DIS3: variants seen among roughly 807,000 people sequenced by gnomAD.
The protein encoded by DIS3 is exosome complex exonuclease RRP44.
DIS3 carries 103 observed loss-of-function variants against 113.0 expected under a neutral mutation model. The ratio of observed to expected loss-of-function variants is 0.91; its 90% confidence interval spans 0.78 to 1.07. The LOEUF (loss-of-function observed/expected upper bound fraction) is 1.07, where lower values mean the gene tolerates loss of function less well. DIS3 is among the 50% of genes least tolerant of loss of function. The pLI is 0.00. For synonymous variants in DIS3, 402 were observed against 394.3 expected, an observed-to-expected ratio of 1.02 and a Z score of -0.23; for missense variants, 1,121 against 1,167.1, an observed-to-expected ratio of 0.96 and a Z score of 0.58.
chr13:72,775,467 T>G, intron 5 of DIS3, 92 bp from the exon 6 acceptor site: 3 of 1,325,366 alleles, frequency 2.3e-6, no homozygotes, highest in Non-Finnish European at 3.0e-6. Flanking sequence ...ACATACACTC[T>G]GAATATCTCT....
chr13:72,773,534 G>A, intron 8 of DIS3, 150 bp downstream of exon 8: 1 of 762,594 alleles, frequency 1.3e-6, no homozygotes, highest in Non-Finnish European at 2.0e-6. Flanking sequence ...TTTCAAAGTA[G>A]ACATGCTACT....
At position 72,778,221 on chromosome 13, in the gene DIS3, C is replaced by T. The variant is rs775103513; in HGVS notation, c.546G>A (p.Glu182=). ...IFITNDRRNK[E]KAIEEGIPAF... ...CTGGTATTCCTTCTTCTATGGCTTT[C>T]TCTTTGTTTCTCCTGTCATTTGTTA... The change falls in exon 3 of 21, where the codon GAG becomes GAA. Residue 182 remains glutamate (E), a synonymous_variant. Transcript: ENST00000377767. The T allele has an allele frequency of 1.9e-6, 3 of 1,599,394 alleles. No individual in the cohort carries two copies. Among genetic ancestry groups the T allele is most frequent in the South Asian group, 1.1e-5 (1 of 90,056 alleles).
At chr13:72,770,198 T>C (rs1023727194) in intron 13 of DIS3, among the ~76,000 whole-genome samples, 1 of 148,880 alleles carries the variant, frequency 6.7e-6, no homozygotes, top group African/African-American at 2.4e-5. Flanking sequence ...TTCAAGTATA[T>C]ATTCTTTGTA....
intron 13 of DIS3, among the ~76,000 whole-genome samples, chr13:72,769,433 C>G (rs529716634): frequency 6.6e-6 from 1 of 150,986 alleles, no homozygotes; most frequent in Non-Finnish European, 1.5e-5. Flanking sequence ...TGAAAAATAA[C>G]CAAAATATAC....
rs1019026955 is a variant in DIS3 at position 72,755,313 on chromosome 13, C to G, written c.*4482G>C. ...GATGGTGACTGGGAAAAAATTACTT[C>G]AAGTAACATGCTTAGCTTTCCCTCC... On this transcript the variant is annotated 3_prime_UTR_variant, in exon 21 of 21. Transcript: ENST00000377767. 1.0e-5 allele frequency: 10 copies of G among 1,004,894 alleles called. No individual in the cohort carries two copies. In the African/African-American group the frequency reaches 1.3e-4, roughly 13 times the overall value. 62.2% of individuals were successfully genotyped at this position (1,004,894 alleles called of 1,614,324 possible). A position where few individuals can be genotyped will look rare whatever the true frequency, so the allele number is the denominator to read the frequency against.
rs201254426 is a variant in DIS3, at chr13:72,755,211, C to A, written c.*4584G>T. Reference sequence around the variant, plus strand: ...AGCAAGCCCTTTTCAATGCAGCAGTCCATAGAATGCCTCTGTCAGAATCAA... The same window carrying A: ...AGCAAGCCCTTTTCAATGCAGCAGTACATAGAATGCCTCTGTCAGAATCAA... On this transcript the variant is annotated 3_prime_UTR_variant, in exon 21 of 21. Coordinates refer to ENST00000377767, the MANE Select transcript of DIS3 (RefSeq NM_014953.5). 1.8e-4 allele frequency: 284 copies of A among 1,610,484 alleles called. No homozygotes were observed. The highest frequency in any genetic ancestry group is 2.3e-4 in the Non-Finnish European group (267 of 1,177,134).
In DIS3 at chr13:72,773,680, TTA is replaced by T; in HGVS notation, c.1239+2_1239+3del. On this transcript the variant is annotated splice_donor_variant and splice_donor_region_variant and intron_variant, in intron 8 of 20. Transcript: ENST00000377767. LOFTEE classifies it high-confidence loss of function. ...CCCACATAAAATTAATACTTTAAGC[TTA>T]CATTTGGATATCTGGAATTTCTGGG... is the stretch of plus-strand genomic sequence containing the variant. 6.2e-7 allele frequency: 1 copy of T among 1,605,778 alleles called. No individual in the cohort carries two copies.
At position 72,781,399 on chromosome 13, in the gene DIS3, TG is replaced by T. The variant is rs17089752; in HGVS notation, c.228+205del. ...CCAGGAGTTAGAAAAATAACGTGTCTGAACTACGACTCCAAGAACTAAATTT... is the reference window on the plus strand; with the variant it reads ...CCAGGAGTTAGAAAAATAACGTGTCTAACTACGACTCCAAGAACTAAATTT... On this transcript the variant is annotated intron_variant, in intron 1 of 20. Coordinates refer to ENST00000377767, the MANE Select transcript of DIS3 (RefSeq NM_014953.5). The T allele has an allele frequency of 2.6e-3, 3,996 of 1,538,702 alleles. 150 individuals carry two copies. In the East Asian group the frequency reaches 0.085, roughly 33 times the overall value.
intron 19 of DIS3, among the ~76,000 whole-genome samples, 187 bp from the exon 20 acceptor site, chr13:72,760,838 T>C (rs555187355): frequency 3.9e-5 from 6 of 152,292 alleles, no homozygotes; most frequent in African/African-American, 1.4e-4. Flanking sequence ...ATGTGCTTAC[T>C]TTCTCCTTCA....
chr13:72,778,467 A>G (rs1386956671), intron 2 of DIS3, 87 bp from the exon 3 acceptor site: 16 of 1,076,946 alleles, frequency 1.5e-5, no homozygotes, highest in Admixed American at 2.7e-5. Context: ...CTTAACCACT[A>G]AACTAGAAAA....
Position 72,762,053 on chromosome 13 carries a change from T to A in DIS3, c.2212A>T (p.Thr738Ser). Residue 738 changes from threonine (T) to serine (S), a missense_variant, in exon 17 of 21, where the codon ACT becomes TCT. This residue lies in a region of DIS3 where 861 missense variants were observed against 915.5 expected (regional missense o/e 0.94). Coordinates refer to ENST00000377767, the MANE Select transcript of DIS3 (RefSeq NM_014953.5). Reference sequence around the variant, plus strand: ...CGAGTGGCTAATATTCTCAACAGAGTGTTTAGATATGGAAAAGTAGGAGAT... The same window carrying A: ...CGAGTGGCTAATATTCTCAACAGAGAGTTTAGATATGGAAAAGTAGGAGAT... Reference protein sequence around the residue: ...AESPTFPYLNTLLRILATRCM... With the variant: ...AESPTFPYLNSLLRILATRCM... 2 of 1,613,956 alleles carry A rather than the reference T, an allele frequency of 1.2e-6. No individual in the cohort carries two copies. The highest frequency in any genetic ancestry group is 1.7e-6 in the Non-Finnish European group (2 of 1,179,976).
Position 72,781,829 on chromosome 13 carries a change from G to A in DIS3, c.4C>T (p.Leu2Phe). Residue 2 changes from leucine to phenylalanine, a missense_variant, in exon 1 of 21, where the codon CTC becomes TTC. This residue lies in a region of DIS3 where 254 missense variants were observed against 232.2 expected (regional missense o/e 1.09). Transcript: ENST00000377767. M[L>F]KSKTFLKKTR... Reference sequence around the variant, plus strand: ...TTTTTTAAGAACGTCTTGGACTTGAGCATCTTGCCTCGCCGCGCAGAATCC... The same window carrying A: ...TTTTTTAAGAACGTCTTGGACTTGAACATCTTGCCTCGCCGCGCAGAATCC... 6.3e-7 allele frequency: 1 copy of A among 1,583,352 alleles called. No individual in the cohort carries two copies. Among genetic ancestry groups the A allele is most frequent in the Non-Finnish European group, 8.6e-7 (1 of 1,161,820 alleles).
Position 72,771,806 on chromosome 13 carries a change from G to A in DIS3, c.1594C>T (p.Leu532Phe). 1 of 1,613,272 alleles carries A rather than the reference G, an allele frequency of 6.2e-7. No individual in the cohort carries two copies. The highest frequency in any genetic ancestry group is 1.1e-5 in the South Asian group (1 of 90,974). The change falls in exon 11 of 21, where the codon CTT (leucine) becomes TTT (phenylalanine). Residue 532 changes from leucine (L) to phenylalanine (F), a missense_variant. Transcript: ENST00000377767. ...ESARRGTTVY[L>F]CEKRIDMVPE... ...TTCAATACATTTACCTTTTCACAAA[G>A]ATACACAGTTGTTCCTCTTCTGGCT...
chr13:72,777,393 C>T (rs760728178), intron 4 of DIS3, 27 bp downstream of exon 4: 15 of 1,609,000 alleles, frequency 9.3e-6, no homozygotes, highest in Non-Finnish European at 1.3e-5. Flanking sequence ...AATATTTTTA[C>T]TTTTCAAAAA....
Position 72,755,247 on chromosome 13 carries a change from TAAG to T in DIS3, c.*4545_*4547del, listed in dbSNP as rs781131454. Reference sequence around the variant, plus strand: ...CTCTGTCAGAATCAAAGACTAAGCTTAAGAGTTCCTCGCATATATCGTTGTGCA... The same window carrying T: ...CTCTGTCAGAATCAAAGACTAAGCTTAGTTCCTCGCATATATCGTTGTGCA... On this transcript the variant is annotated 3_prime_UTR_variant, in exon 21 of 21. Transcript: ENST00000377767. 17 of 1,560,720 alleles carry T rather than the reference TAAG, an allele frequency of 1.1e-5. No individual in the cohort carries two copies. The highest frequency in any genetic ancestry group is 2.6e-6 in the Non-Finnish European group (3 of 1,132,970).
At chr13:72,776,684 A>G (rs1334150918) in intron 4 of DIS3, among the ~76,000 whole-genome samples, 1 of 152,208 alleles carries the variant, frequency 6.6e-6, no homozygotes, top group Non-Finnish European at 1.5e-5. Context: ...TAACAACACT[A>G]TGAAGTTATT....
In DIS3 at chr13:72,771,817, G is replaced by A. The variant is rs1192664327; in HGVS notation, c.1583C>T (p.Thr528Ile). The A allele has an allele frequency of 6.2e-7, 1 of 1,613,620 alleles. No homozygotes were observed. ...TACCTTTTCACAAAGATACACAGTT[G>A]TTCCTCTTCTGGCTGATTCTTGATC... ...ALDQESARRG[T>I]TVYLCEKRID... Residue 528 changes from threonine to isoleucine, a missense_variant, in exon 11 of 21, where the codon ACA becomes ATA. By Grantham distance (89) the Thr-to-Ile change is moderately conservative. Transcript: ENST00000377767.
intron 14 of DIS3, among the ~76,000 whole-genome samples, chr13:72,766,810 T>C (rs969825385): frequency 2.0e-5 from 3 of 152,118 alleles, no homozygotes; most frequent in Non-Finnish European, 2.9e-5. Flanking sequence ...CTGGGCAACC[T>C]TGAACAATCA....
rs61213189 is a variant in DIS3, at chr13:72,755,141, T to A, written c.*4654A>T. ...AAACTGAAAACAAGGTATTGTCTTCTTTTTCACAGCAAGACCACACAACAC... is the reference window on the plus strand; with the variant it reads ...AAACTGAAAACAAGGTATTGTCTTCATTTTCACAGCAAGACCACACAACAC... On this transcript the variant is annotated 3_prime_UTR_variant, in exon 21 of 21. Coordinates refer to ENST00000377767, the MANE Select transcript of DIS3 (RefSeq NM_014953.5). The A allele has an allele frequency of 1.9e-6, 3 of 1,613,054 alleles. No individual in the cohort carries two copies. Among genetic ancestry groups the A allele is most frequent in the African/African-American group, 2.7e-5 (2 of 74,906 alleles).
Sources: gnomAD v4.1 joint callset for allele counts (sites outside exome capture counted in the v4.1 genomes callset) on GRCh38, gnomAD v4.1.1 for gene constraint, gnomAD v4.1.1 regional missense constraint, MANE v1.5 for transcripts, NCBI Gene and HGNC (gene_info 2026-07-23, HGNC 2026-07-21) for gene names.